The following UNC5A variants were observed in gnomAD, a reference collection of about 807,000 sequenced individuals.
UNC5A encodes the protein netrin receptor UNC5A.
A neutral mutation model predicts 87.4 loss-of-function variants in UNC5A; 20 were observed. The ratio of observed to expected loss-of-function variants is 0.23; its 90% CI spans 0.16 to 0.33. UNC5A has a LOEUF of 0.33. Ranked by LOEUF, UNC5A falls within the 10% of genes least tolerant of loss-of-function variation. The probability of loss-of-function intolerance (pLI) is 1.00; values close to 1 mark genes in which losing one functional copy is unlikely to be tolerated. For missense variants in UNC5A, 844 were observed against 1,133.4 expected (o/e 0.74, Z 3.67); for synonymous variants, 438 against 482.3 (o/e 0.91, Z 1.20).
chr5:176,855,808 C>G (rs903967896), intron 1 of UNC5A, among the ~76,000 whole-genome samples: 1 of 152,218 alleles, frequency 6.6e-6, no homozygotes, highest in African/African-American at 2.4e-5. Flanking sequence ...CCAAGGCCTG[C>G]TGGGCACCAG....
At chr5:176,851,824 C>T (rs149244486) in intron 1 of UNC5A, among the ~76,000 whole-genome samples, 2,868 of 152,300 alleles carry the variant, frequency 0.019, 45 homozygotes, top group South Asian at 0.045. Flanking sequence ...TGTCCTTACT[C>T]GGCCTTATGG....
At chr5:176,816,543 G>A (rs909627607) in intron 1 of UNC5A, among the ~76,000 whole-genome samples, 17 of 152,392 alleles carry the variant, frequency 1.1e-4, no homozygotes, top group African/African-American at 3.1e-4. Context: ...CTCTGTGGCT[G>A]GGTTTGGACC....
Position 176,848,358 on chromosome 5 carries a change from C to T in UNC5A, c.71-14266C>T, listed in dbSNP as rs1757463905. 6.6e-6 allele frequency among the ~76,000 whole-genome samples: 1 copy of T among 152,126 alleles called. No homozygotes were observed. Among genetic ancestry groups the T allele is most frequent in the African/African-American group, 2.4e-5 (1 of 41,398 alleles). On this transcript the variant is annotated intron_variant, in intron 1 of 14. Coordinates refer to ENST00000329542, the MANE Select transcript of UNC5A (RefSeq NM_133369.3). The surrounding 1 kb of genome is among the most constrained non-coding windows in gnomAD (Gnocchi z 5.8). ...CAGGGCAGCGGCTCATCTGAGGCTG[C>T]ATAGTGACACTGAGGCCACCCCTCT...
intron 3 of UNC5A, 94 bp downstream of exon 3, chr5:176,868,367 C>G: frequency 4.5e-6 from 7 of 1,566,188 alleles, no homozygotes; most frequent in Non-Finnish European, 5.2e-6. Flanking sequence ...GCGGTCCGGT[C>G]AGAAAACCTC....
In UNC5A at chr5:176,845,458, C is replaced by T. The variant is rs78813507; in HGVS notation, c.71-17166C>T. The stretch of plus-strand genomic sequence containing the variant: ...CTCCTCTTGGCCCCTGCCCGTTCCC[C>T]GAGGCCCTGAGGCAGGGCGTTATGC... On this transcript the variant is annotated intron_variant, in intron 1 of 14. Coordinates refer to ENST00000329542, the MANE Select transcript of UNC5A (RefSeq NM_133369.3). Among the ~76,000 whole-genome samples, 15 of 152,370 alleles carry T rather than the reference C, an allele frequency of 9.8e-5. 1 individual carries two copies. Among genetic ancestry groups the T allele is most frequent in the South Asian group, 6.2e-4 (3 of 4,828 alleles).
At chr5:176,873,676 C>T (rs745810208) in intron 6 of UNC5A, among the ~76,000 whole-genome samples, 9 of 152,158 alleles carry the variant, frequency 5.9e-5, no homozygotes, top group African/African-American at 1.7e-4. Context: ...CCAGGTTATC[C>T]GCTCTGGGGA....
In UNC5A at chr5:176,865,705, G is replaced by T. The variant is rs543842855; in HGVS notation, c.293-2425G>T. 3 of 456,544 alleles carry T rather than the reference G, an allele frequency of 6.6e-6. No homozygotes were observed. The highest frequency in any genetic ancestry group is 3.1e-5 in the South Asian group (2 of 64,574). 28.3% of individuals were successfully genotyped at this position (456,544 alleles called of 1,614,324 possible). A position where few individuals can be genotyped will look rare whatever the true frequency, so the allele number is the denominator to read the frequency against. ...AGACCAAAGACCCCAAACCAGAAAC[G>T]TTCTGTGGTCAGACAGGTATGGCAG... On this transcript the variant is annotated intron_variant, in intron 2 of 14. Coordinates refer to ENST00000329542, the MANE Select transcript of UNC5A (RefSeq NM_133369.3). This position sits in a 1 kb window ranked among gnomAD's most constrained non-coding sequence, Gnocchi z 5.3.
intron 1 of UNC5A, among the ~76,000 whole-genome samples, chr5:176,858,392 T>C (rs2113645336): frequency 6.6e-6 from 1 of 152,206 alleles, no homozygotes; most frequent in South Asian, 2.1e-4. Context: ...GGCAGAGACC[T>C]GGAGGTGGGA....
chr5:176,819,079 G>T (rs1561637866), intron 1 of UNC5A, among the ~76,000 whole-genome samples: 1 of 152,198 alleles, frequency 6.6e-6, no homozygotes, highest in Non-Finnish European at 1.5e-5. Context: ...CGCACAGGTT[G>T]GGGGAGCCCC....
chr5:176,864,274 G>T (rs1455553449), intron 2 of UNC5A, among the ~76,000 whole-genome samples: 1 of 152,196 alleles, frequency 6.6e-6, no homozygotes, highest in Non-Finnish European at 1.5e-5. Flanking sequence ...GCCTTGGGTG[G>T]CTCGGGTATG....
chr5:176,829,145 A>G lies in UNC5A; in HGVS notation c.70+18325A>G, dbSNP rs1029331217. On this transcript the variant is annotated intron_variant, in intron 1 of 14. Coordinates refer to ENST00000329542, the MANE Select transcript of UNC5A (RefSeq NM_133369.3). ...AGACTCCATCTCAAAAAAAAAAAAA[A>G]AAAGAAAGAAAGATGGATGGATGGA... 8.0e-4 allele frequency among the ~76,000 whole-genome samples: 113 copies of G among 142,060 alleles called. 1 individual carries two copies. The highest frequency in any genetic ancestry group is 2.2e-3 in the African/African-American group (80 of 36,998). The allele number at this position is 142,060 out of a possible 152,430, so 93.2% of individuals were successfully genotyped here. A position where few individuals can be genotyped will look rare whatever the true frequency, so the allele number is the denominator to read the frequency against.
intron 1 of UNC5A, among the ~76,000 whole-genome samples, chr5:176,818,264 C>T (rs1272286807): frequency 1.3e-5 from 2 of 152,202 alleles, no homozygotes; most frequent in Non-Finnish European, 2.9e-5. Context: ...CAGGCCGGGG[C>T]TTCCGATGCA....
At chr5:176,813,023 C>T (rs1756503715) in intron 1 of UNC5A, among the ~76,000 whole-genome samples, 1 of 152,202 alleles carries the variant, frequency 6.6e-6, no homozygotes, top group Non-Finnish European at 1.5e-5. Flanking sequence ...GGGGCCAGCG[C>T]GACTGACTGC....
intron 13 of UNC5A, 150 bp from the exon 14 acceptor site, chr5:176,879,160 G>T: frequency 1.0e-6 from 1 of 971,792 alleles, no homozygotes; most frequent in Non-Finnish European, 1.5e-6. Flanking sequence ...AGTAAGAAGG[G>T]CCTTGGCACA....
rs566245162 is a variant in UNC5A, at chr5:176,825,362, T to C, written c.70+14542T>C. Among the ~76,000 whole-genome samples the C allele has an allele frequency of 2.6e-5, 4 of 152,134 alleles. No homozygotes were observed. In the South Asian group the frequency reaches 6.2e-4, roughly 24 times the overall value. ...GTTTTGAGCAGGAGGGGAGGCAGCC[T>C]TGAGGAAGGCTTTGGCGAAGGACCC... is the stretch of plus-strand genomic sequence containing the variant. On this transcript the variant is annotated intron_variant, in intron 1 of 14. Coordinates refer to ENST00000329542, the MANE Select transcript of UNC5A (RefSeq NM_133369.3).
At chr5:176,816,768 C>T (rs1044522507) in intron 1 of UNC5A, among the ~76,000 whole-genome samples, 4 of 152,366 alleles carry the variant, frequency 2.6e-5, no homozygotes, top group South Asian at 4.1e-4. Context: ...ACTCAATACA[C>T]GTTAGCAATG....
intron 1 of UNC5A, among the ~76,000 whole-genome samples, chr5:176,830,688 G>A (rs1442371871): frequency 7.0e-6 from 1 of 142,594 alleles, no homozygotes; most frequent in Non-Finnish European, 1.5e-5. Flanking sequence ...GTGTGTGCTG[G>A]CATGTGTGTG....
intron 8 of UNC5A, among the ~76,000 whole-genome samples, chr5:176,876,583 T>A (rs1758266833): frequency 6.6e-6 from 1 of 152,100 alleles, no homozygotes; most frequent in Non-Finnish European, 1.5e-5. Flanking sequence ...TCCAAGACGT[T>A]GGAGCAGAGG....
chr5:176,878,550 C>T lies in UNC5A; in HGVS notation c.2095C>T (p.Pro699Ser). 6.2e-7 allele frequency: 1 copy of T among 1,613,202 alleles called. No individual in the cohort carries two copies. Among genetic ancestry groups the T allele is most frequent in the Non-Finnish European group, 8.5e-7 (1 of 1,179,992 alleles). The change falls in exon 13 of 15, where the codon CCC (proline) becomes TCC (serine). Residue 699 changes from proline to serine, a missense_variant. Transcript: ENST00000329542. ...CACCTTCACCCTGGAGCGTGTCAGC[C>T]CCAGCACTAGTGACCTGGCCTGCAA... is the stretch of plus-strand genomic sequence containing the variant. ...HCTFTLERVSPSTSDLACKLW... is the reference protein window; with the variant it reads ...HCTFTLERVSSSTSDLACKLW...
Sources: gnomAD v4.1 joint callset for allele counts (sites outside exome capture counted in the v4.1 genomes callset) on GRCh38, gnomAD v4.1.1 for gene constraint, Gnocchi (gnomAD v3.1) non-coding constraint, MANE v1.5 for transcripts, NCBI Gene and HGNC (gene_info 2026-07-23, HGNC 2026-07-21) for gene names.